Variants in SLC4A10 observed in about 807,000 individuals in gnomAD.
SLC4A10 encodes the protein sodium-driven chloride bicarbonate exchanger.
In SLC4A10, 42 loss-of-function variants were observed where a neutral mutation model predicts 137.7. The observed-to-expected ratio is 0.30, with a 90% CI of 0.24 to 0.39. The LOEUF is 0.39. Ranked by LOEUF, SLC4A10 falls within the 10% of genes least tolerant of loss-of-function variation. The pLI, the probability that SLC4A10 is intolerant of heterozygous loss-of-function variation, is 1.00. For synonymous variants in SLC4A10, 474 were observed against 464.1 expected (o/e 1.02, Z -0.27); for missense variants, 925 against 1,355.0 (o/e 0.68, Z 4.98).
In SLC4A10 at chr2:161,957,177, G is replaced by A. The variant is rs764780813; in HGVS notation, c.2730G>A (p.Arg910=). 2 of 1,613,596 alleles carry A rather than the reference G, an allele frequency of 1.2e-6. No individual in the cohort carries two copies. The highest frequency in any genetic ancestry group is 1.1e-5 in the South Asian group (1 of 91,040). ...QPKFLGIREQ[R]VTGLMIFILM... ...AATTTCTCGGCATTCGGGAGCAAAG[G>A]GTTACTGGGCTTATGATTTTTATTC... The change falls in exon 20 of 27, where the codon AGG becomes AGA. Residue 910 remains arginine (R), a synonymous_variant. Coordinates refer to ENST00000446997, the MANE Select transcript of SLC4A10 (RefSeq NM_001178015.2).
intron 1 of SLC4A10, among the ~76,000 whole-genome samples, chr2:161,635,257 C>G (rs957575402): frequency 7.2e-5 from 11 of 152,004 alleles, no homozygotes; most frequent in African/African-American, 2.7e-4. Context: ...TTGAAACTCC[C>G]TCAAAATTGC....
chr2:161,708,676 T>C, intron 1 of SLC4A10: 1 of 1,502,066 alleles, frequency 6.7e-7, no homozygotes, highest in Non-Finnish European at 8.8e-7. Flanking sequence ...ATCTGTTGTT[T>C]GATATTTTTT....
intron 15 of SLC4A10, among the ~76,000 whole-genome samples, chr2:161,938,897 G>A (rs1692122571): frequency 6.6e-6 from 1 of 151,820 alleles, no homozygotes; most frequent in Non-Finnish European, 1.5e-5. Flanking sequence ...AGTACAGGAA[G>A]ATTATAATTT....
At chr2:161,645,831 T>C (rs2105526628) in intron 1 of SLC4A10, among the ~76,000 whole-genome samples, 1 of 152,172 alleles carries the variant, frequency 6.6e-6, no homozygotes, top group Non-Finnish European at 1.5e-5. Context: ...TGAGGGATGT[T>C]TGGAAACTTC....
chr2:161,695,155 C>T (rs1176680123), intron 1 of SLC4A10, among the ~76,000 whole-genome samples: 2 of 151,992 alleles, frequency 1.3e-5, no homozygotes, highest in East Asian at 3.8e-4. Flanking sequence ...AATTAAGAAT[C>T]TCTAGAGCCA....
chr2:161,786,567 G>A (rs568801938), intron 2 of SLC4A10, among the ~76,000 whole-genome samples: 78 of 150,880 alleles, frequency 5.2e-4, no homozygotes, highest in Non-Finnish European at 8.7e-4. Context: ...ATTCTTTTAT[G>A]ACATAAAAGA....
Position 161,862,885 on chromosome 2 carries a change from G to T in SLC4A10, c.589G>T (p.Asp197Tyr). ...TLEEIADMVL[D>Y]QQVSSGQLNE... ...CCTTTTCTCTTCAGATATGGTTCTT[G>T]ACCAACAAGTGAGCTCAGGTCAGCT... Residue 197 changes from aspartate to tyrosine, a missense_variant, in exon 6 of 27, where the codon GAC (aspartate) becomes TAC (tyrosine). Asp to Tyr is a radical substitution (Grantham distance 160). Transcript: ENST00000446997. 6.3e-7 allele frequency: 1 copy of T among 1,599,998 alleles called. No individual in the cohort carries two copies. Among genetic ancestry groups the T allele is most frequent in the Admixed American group, 1.7e-5 (1 of 58,714 alleles).
At chr2:161,635,568 G>T (rs2034274006) in intron 1 of SLC4A10, among the ~76,000 whole-genome samples, 1 of 152,112 alleles carries the variant, frequency 6.6e-6, no homozygotes, top group African/African-American at 2.4e-5. Flanking sequence ...GATCATTCTG[G>T]TAAAGCCATG....
chr2:161,756,802 A>C (rs1238849551), intron 1 of SLC4A10, among the ~76,000 whole-genome samples: 1 of 152,180 alleles, frequency 6.6e-6, no homozygotes, highest in African/African-American at 2.4e-5. Context: ...CCACAATTGA[A>C]GTTTAAAAGA....
At chr2:161,829,802 G>T (rs2058309301) in intron 3 of SLC4A10, among the ~76,000 whole-genome samples, 1 of 152,088 alleles carries the variant, frequency 6.6e-6, no homozygotes, top group Non-Finnish European at 1.5e-5. Context: ...GGCTGAGGAG[G>T]CCTCACAATC....
intron 1 of SLC4A10, among the ~76,000 whole-genome samples, chr2:161,761,451 A>C (rs1269563494): frequency 6.6e-6 from 1 of 151,986 alleles, no homozygotes; most frequent in African/African-American, 2.4e-5. Context: ...TCCATGTTCC[A>C]ATAAGGAAAT....
intron 1 of SLC4A10, among the ~76,000 whole-genome samples, chr2:161,753,142 T>C (rs2049176337): frequency 6.6e-6 from 1 of 152,156 alleles, no homozygotes; most frequent in Admixed American, 6.6e-5. Flanking sequence ...AAACAATTCA[T>C]AATCTTTGCT....
At chr2:161,900,625 G>A (rs1682874507) in intron 11 of SLC4A10, among the ~76,000 whole-genome samples, 1 of 151,922 alleles carries the variant, frequency 6.6e-6, no homozygotes, top group Non-Finnish European at 1.5e-5. Context: ...CATACACTAG[G>A]CACTCAGTTT....
At position 161,977,723 on chromosome 2, in the gene SLC4A10, T is replaced by A; in HGVS notation, c.3346T>A (p.Ser1116Thr). The stretch of plus-strand genomic sequence containing the variant: ...TTTATATTACATTTTTGTCATAAGC[T>A]CCCCTTCCTAATCACTCTAGAAGCT... The part of the protein sequence containing the change: ...DKESSFPSKS[S>T]PS The change falls in exon 26 of 27, where the codon TCC becomes ACC. Residue 1116 changes from serine (S) to threonine (T), a missense_variant and splice_region_variant. Ser to Thr is a moderately conservative substitution (Grantham distance 58). Transcript: ENST00000446997. 1.2e-6 allele frequency: 2 copies of A among 1,600,162 alleles called. No individual in the cohort carries two copies. The highest frequency in any genetic ancestry group is 1.7e-6 in the Non-Finnish European group (2 of 1,174,966).
chr2:161,904,097 T>C lies in SLC4A10; in HGVS notation c.1536T>C (p.Ser512=), dbSNP rs368021516. ...CTTTCAGCCTGCAGTGCTTAGCATC[T>C]TTTCTATTTCTCTACTGCGCGTGTA... is the stretch of plus-strand genomic sequence containing the variant. ...RDAFSLQCLA[S]FLFLYCACMS... is the part of the protein sequence containing the mutation. The change falls in exon 13 of 27, where the codon TCT becomes TCC. Residue 512 remains serine (S), a synonymous_variant. Transcript: ENST00000446997. The C allele has an allele frequency of 7.5e-5, 120 of 1,607,658 alleles. No homozygotes were observed. In the African/African-American group the frequency reaches 1.5e-3, roughly 21 times the overall value.
intron 15 of SLC4A10, among the ~76,000 whole-genome samples, chr2:161,938,573 G>A (rs78941812): frequency 0.054 from 8,102 of 151,186 alleles, 335 homozygotes; most frequent in African/African-American, 0.12. Context: ...CCTATAACAT[G>A]CTAGGCTGCC....
intron 2 of SLC4A10, among the ~76,000 whole-genome samples, chr2:161,795,979 T>C (rs1321606110): frequency 1.3e-5 from 2 of 152,130 alleles, no homozygotes; most frequent in African/African-American, 4.8e-5. Flanking sequence ...TATACATAAT[T>C]TGTTGTTCCT....
intron 10 of SLC4A10, among the ~76,000 whole-genome samples, chr2:161,886,959 A>T (rs988676074): frequency 2.0e-5 from 3 of 151,620 alleles, no homozygotes; most frequent in Admixed American, 6.6e-5. Context: ...ACCCCTCAAC[A>T]AGCCCCAGTG....
intron 15 of SLC4A10, among the ~76,000 whole-genome samples, chr2:161,909,502 C>A (rs1685308702): frequency 6.6e-6 from 1 of 152,126 alleles, no homozygotes; most frequent in African/African-American, 2.4e-5. Context: ...GGTTTTAGTG[C>A]CACCTGGCAC....
Sources: gnomAD v4.1 joint callset for allele counts (sites outside exome capture counted in the v4.1 genomes callset) on GRCh38, gnomAD v4.1.1 for gene constraint, MANE v1.5 for transcripts, NCBI Gene and HGNC (gene_info 2026-07-23, HGNC 2026-07-21) for gene names.